The following CDK14 variants were observed in gnomAD, a reference collection of about 807,000 sequenced individuals.
CDK14 encodes the protein cyclin-dependent kinase 14.
A neutral mutation model predicts 60.7 loss-of-function variants in CDK14; 34 were observed. The ratio of observed to expected loss-of-function variants is 0.56; its 90% CI spans 0.43 to 0.75. The LOEUF is 0.75. CDK14 is among the 30% of genes least tolerant of loss of function. The pLI, the probability that CDK14 is intolerant of heterozygous loss-of-function variation, is 0.00. For missense variants in CDK14, 482 were observed against 564.1 expected, an observed-to-expected ratio of 0.85 and a Z score of 1.47; for synonymous variants, 197 against 203.7, an observed-to-expected ratio of 0.97 and a Z score of 0.28.
At chr7:90,826,853 AT>A (rs1183505681) in intron 5 of CDK14, among the ~76,000 whole-genome samples, 1 of 152,110 alleles carries the variant, frequency 6.6e-6, no homozygotes, top group African/African-American at 2.4e-5. Context: ...TTACAATTCA[AT>A]TGATACAATT....
At chr7:90,756,903 A>G (rs1562755208) in intron 4 of CDK14, among the ~76,000 whole-genome samples, 1 of 152,114 alleles carries the variant, frequency 6.6e-6, no homozygotes, top group Non-Finnish European at 1.5e-5. Context: ...AGCATTTTAC[A>G]CATATGTGTT....
intron 9 of CDK14, among the ~76,000 whole-genome samples, chr7:90,972,425 C>T (rs972466): frequency 0.99 from 150,075 of 152,346 alleles, 73,959 homozygotes; most frequent in East Asian, 1. Context: ...TTTTAGAATA[C>T]AGAAAAAGGT....
intron 4 of CDK14, among the ~76,000 whole-genome samples, chr7:90,754,968 G>T (rs1180849132): frequency 2.6e-5 from 4 of 152,064 alleles, no homozygotes; most frequent in East Asian, 1.9e-4. Context: ...AAAAACAGGT[G>T]CTGGGAAGGC....
rs576384096 is a variant in CDK14, at chr7:90,779,328, C to CTA, written c.465-11242_465-11241dup. On this transcript the variant is annotated intron_variant, in intron 4 of 14. Coordinates refer to ENST00000380050, the MANE Select transcript of CDK14 (RefSeq NM_001287135.2). Reference sequence around the variant, plus strand: ...AAGTGCGTGGTACAATCATAGCTTGCTATAACCTTGAACTCTTGGGCTCTA... The same window carrying CTA: ...AAGTGCGTGGTACAATCATAGCTTGCTATATAACCTTGAACTCTTGGGCTCTA... Among the ~76,000 whole-genome samples, 519 of 152,250 alleles carry CTA rather than the reference C, an allele frequency of 3.4e-3. 5 individuals are homozygous for CTA. Among genetic ancestry groups the CTA allele is most frequent in the African/African-American group, 0.012 (502 of 41,540 alleles).
rs1467144706 is a variant in CDK14 at position 91,209,225 on chromosome 7, C to A, written c.*2089C>A. 6.6e-6 allele frequency: 1 copy of A among 152,116 alleles called. No homozygotes were observed. Among genetic ancestry groups the A allele is most frequent in the Non-Finnish European group, 1.5e-5 (1 of 68,022 alleles). The allele number at this position is 152,116 out of a possible 1,614,324, so 9.4% of individuals were successfully genotyped here. On this transcript the variant is annotated 3_prime_UTR_variant, in exon 15 of 15. Coordinates refer to ENST00000380050, the MANE Select transcript of CDK14 (RefSeq NM_001287135.2). ...TAATGTTGAAAGACTTCAATTAGGGCTATTAGAGTTATATCTCCCTGTCGT... is the reference window on the plus strand; with the variant it reads ...TAATGTTGAAAGACTTCAATTAGGGATATTAGAGTTATATCTCCCTGTCGT...
chr7:90,981,498 TACA>T (rs1279477354), intron 9 of CDK14, among the ~76,000 whole-genome samples: 1 of 152,248 alleles, frequency 6.6e-6, no homozygotes, highest in Non-Finnish European at 1.5e-5. Context: ...AATCATGTGG[TACA>T]ATAGGGAAGC....
chr7:90,880,172 C>G lies in CDK14; in HGVS notation c.639+16903C>G, dbSNP rs543482362. Among the ~76,000 whole-genome samples, 3 of 152,356 alleles carry G rather than the reference C, an allele frequency of 2.0e-5. No individual in the cohort carries two copies. The South Asian group carries it at 6.2e-4, about 32-fold the overall frequency. On this transcript the variant is annotated intron_variant, in intron 6 of 14. Transcript: ENST00000380050. ...GGACAGCAGCCAGCACTGGGACTCACAACTGCCAAACATGCTAAGCTCCCT... is the reference window on the plus strand; with the variant it reads ...GGACAGCAGCCAGCACTGGGACTCAGAACTGCCAAACATGCTAAGCTCCCT...
intron 8 of CDK14, among the ~76,000 whole-genome samples, chr7:90,919,901 C>T (rs1177743210): frequency 1.3e-5 from 2 of 152,216 alleles, no homozygotes; most frequent in African/African-American, 2.4e-5. Flanking sequence ...GCATTTGGTT[C>T]TTATGACCAG....
At chr7:91,032,469 G>A (rs55786562) in intron 10 of CDK14, among the ~76,000 whole-genome samples, 227 of 152,268 alleles carry the variant, frequency 1.5e-3, no homozygotes, top group Non-Finnish European at 2.7e-3. Context: ...GTTGAGGGTC[G>A]TGAAATGGGG....
chr7:90,790,197 G>A (rs1381361551), intron 4 of CDK14, among the ~76,000 whole-genome samples: 1 of 151,582 alleles, frequency 6.6e-6, no homozygotes, highest in Admixed American at 6.6e-5. Context: ...CATTTCAGCA[G>A]AAGGAACAAA....
At chr7:91,031,693 G>A (rs1796763833) in intron 10 of CDK14, among the ~76,000 whole-genome samples, 1 of 152,034 alleles carries the variant, frequency 6.6e-6, no homozygotes, top group Admixed American at 6.6e-5. Flanking sequence ...CCCTGCATCA[G>A]GTTCAAAGCA....
intron 4 of CDK14, among the ~76,000 whole-genome samples, chr7:90,751,552 A>G (rs1204558000): frequency 1.3e-5 from 2 of 152,234 alleles, no homozygotes; most frequent in East Asian, 1.9e-4. Flanking sequence ...AACAATACCC[A>G]CTACCACAAA....
At chr7:90,848,595 T>A (rs1417601444) in intron 5 of CDK14, among the ~76,000 whole-genome samples, 1 of 152,216 alleles carries the variant, frequency 6.6e-6, no homozygotes, top group Non-Finnish European at 1.5e-5. Flanking sequence ...TGACTTTTTT[T>A]CTAAGCCTCT....
chr7:90,650,634 G>A (rs533051670), intron 2 of CDK14, among the ~76,000 whole-genome samples: 3 of 152,064 alleles, frequency 2.0e-5, no homozygotes, highest in South Asian at 2.1e-4. Context: ...TAATTTTTGT[G>A]TAAGGTGTAA....
In CDK14 at chr7:91,209,956, A is replaced by G. The variant is rs1338559638; in HGVS notation, c.*2820A>G. On this transcript the variant is annotated 3_prime_UTR_variant, in exon 15 of 15. Coordinates refer to ENST00000380050, the MANE Select transcript of CDK14 (RefSeq NM_001287135.2). ...TTGGTATCCTTTCCTCAGTGTGTAT[A>G]TGACAGCCAGTATAATCAATACCCT... 1.3e-5 allele frequency: 2 copies of G among 152,630 alleles called. No individual in the cohort carries two copies. Among genetic ancestry groups the G allele is most frequent in the Admixed American group, 6.5e-5 (1 of 15,280 alleles). The allele number at this position is 152,630 out of a possible 1,614,324, so 9.5% of individuals were successfully genotyped here.
intron 14 of CDK14, among the ~76,000 whole-genome samples, chr7:91,139,815 T>TTTCTTTCTTTC (rs376725946): frequency 3.0e-5 from 4 of 132,380 alleles, no homozygotes; most frequent in African/African-American, 7.9e-5. Flanking sequence ...TCTTTCTTTC[T>TTTCTTTCTTTC]TTTCTTTTCT....
intron 2 of CDK14, among the ~76,000 whole-genome samples, chr7:90,621,613 TTTCCTTCCTTCCTTCCTTCCTTCC>T (rs3835010): frequency 6.2e-5 from 8 of 128,266 alleles, no homozygotes; most frequent in African/African-American, 1.2e-4. Flanking sequence ...TCAGACTTTT[TTTCCTTCCTTCCTTCCTTCCTTCC>T]TTCCTTCCTT....
At chr7:90,596,837 G>A (rs1324933100) in intron 1 of CDK14, 119 bp downstream of exon 1, 12 of 835,052 alleles carry the variant, frequency 1.4e-5, no homozygotes, top group Admixed American at 2.2e-5. Context: ...TGCGTTGTAG[G>A]CGGGGATCGA....
At chr7:90,987,828 G>A (rs1472166378) in intron 10 of CDK14, among the ~76,000 whole-genome samples, 1 of 152,108 alleles carries the variant, frequency 6.6e-6, no homozygotes, top group African/African-American at 2.4e-5. Context: ...TAAACTGCCA[G>A]AGACTCTTTT....
Sources: allele counts gnomAD v4.1 joint callset (sites outside exome capture counted in the v4.1 genomes callset), GRCh38; gene constraint gnomAD v4.1.1; transcripts MANE v1.5; gene names NCBI Gene and HGNC (gene_info 2026-07-23, HGNC 2026-07-21).